C4orf50: variants seen among roughly 807,000 people sequenced by gnomAD.
The protein encoded by C4orf50 is chromosome 4 open reading frame 50.
A neutral mutation model predicts 77.2 loss-of-function variants in C4orf50; 80 were observed. That is an observed-to-expected ratio of 1.04 (90% CI 0.87 to 1.25). C4orf50 has a LOEUF of 1.25. Among genes scored for constraint, C4orf50 ranks in the 50% most tolerant of loss-of-function variants. The pLI is 0.00. For synonymous variants in C4orf50, 532 were observed against 465.3 expected, an observed-to-expected ratio of 1.14 and a Z score of -1.84; for missense variants, 1,257 against 1,152.9, an observed-to-expected ratio of 1.09 and a Z score of -1.31.
At chr4:5,988,987 T>A in exon 28 of C4orf50, 1 of 1,536,086 alleles carries the variant, frequency 6.5e-7, no homozygotes, top group Admixed American at 2.0e-5. Flanking sequence ...TGTTTCATTT[T>A]CCTCTTCAAG....
At position 5,983,945 on chromosome 4, in the gene C4orf50, C is replaced by G. The variant is rs79552948; in HGVS notation, c.3700-3607G>C. Among the ~76,000 whole-genome samples the G allele has an allele frequency of 3.7e-3, 560 of 152,362 alleles. 2 individuals are homozygous for G. Among genetic ancestry groups the G allele is most frequent in the African/African-American group, 0.013 (536 of 41,586 alleles). Reference sequence around the variant, plus strand: ...AGAAGACTCTAAGCCTTGCAAAGAACAGCAGCTTGGAGGTTAATTGGTGAA... The same window carrying G: ...AGAAGACTCTAAGCCTTGCAAAGAAGAGCAGCTTGGAGGTTAATTGGTGAA... On this transcript the variant is annotated intron_variant, in intron 28 of 33. Transcript: ENST00000531445.
chr4:5,907,793 C>T (rs975366492), intron 7 of C4orf50, among the ~76,000 whole-genome samples: 1 of 151,986 alleles, frequency 6.6e-6, no homozygotes, highest in Admixed American at 6.5e-5. Context: ...GGGTCTTGGG[C>T]ATAAAAGAGA....
chr4:5,899,723 A>T (rs1019381571), intron 7 of C4orf50: 1 of 152,218 alleles, frequency 6.6e-6, no homozygotes, highest in African/African-American at 2.4e-5. Context: ...CTGTATTCCC[A>T]TGGTTCTCCC....
intron 23 of C4orf50, among the ~76,000 whole-genome samples, chr4:6,016,480 T>C (rs996123796): frequency 2.6e-5 from 4 of 152,000 alleles, no homozygotes; most frequent in Admixed American, 2.6e-4. Flanking sequence ...ACCCAGGAGG[T>C]GGGGTTTGCA....
rs1374908531 is a variant in C4orf50, at chr4:6,015,126, G to C, written c.287+3019C>G. ...AGGGCCCTGCCTTCCCCAACTCTCA[G>C]CACCCAGGACTTCTGTTATGGGCTC... On this transcript the variant is annotated intron_variant, in intron 23 of 33. Coordinates refer to ENST00000531445, the Ensembl canonical transcript of C4orf50. The surrounding 1 kb of genome is among the most constrained non-coding windows in gnomAD (Gnocchi z 4.4). Among the ~76,000 whole-genome samples the C allele has an allele frequency of 6.6e-6, 1 of 152,124 alleles. No homozygotes were observed. Among genetic ancestry groups the C allele is most frequent in the Non-Finnish European group, 1.5e-5 (1 of 68,012 alleles).
chr4:5,966,902 C>A (rs1180738559), intron 32 of C4orf50, among the ~76,000 whole-genome samples: 1 of 152,156 alleles, frequency 6.6e-6, no homozygotes, highest in Non-Finnish European at 1.5e-5. Flanking sequence ...CCTGCCTCGG[C>A]CCCCCAAAGT....
intron 23 of C4orf50, 74 bp from the exon 2 acceptor site, chr4:6,012,042 G>A (rs953996358): frequency 7.5e-6 from 3 of 398,678 alleles, no homozygotes; most frequent in Admixed American, 4.4e-5. Flanking sequence ...CAGACACCAG[G>A]GCCAAATTAT....
intron 7 of C4orf50, among the ~76,000 whole-genome samples, chr4:5,933,998 T>C (rs1717887414): frequency 1.3e-5 from 2 of 152,100 alleles, no homozygotes; most frequent in South Asian, 4.1e-4. Flanking sequence ...AGGGTGTCTG[T>C]GAGCGAGAAT....
At chr4:5,967,720 T>A (rs2108769665) in intron 31 of C4orf50, among the ~76,000 whole-genome samples, 1 of 152,282 alleles carries the variant, frequency 6.6e-6, no homozygotes, top group East Asian at 1.9e-4. Flanking sequence ...TCAAATTAAA[T>A]CTCCAAATGG....
intron 33 of C4orf50, among the ~76,000 whole-genome samples, chr4:5,963,000 CTTTTTTTTTT>C (rs370272649): frequency 6.2e-5 from 9 of 146,116 alleles, no homozygotes; most frequent in Admixed American, 1.4e-4. Context: ...TTTTTCTTTT[CTTTTTTTTTT>C]TTTTTTTTTG....
rs746812408 is a variant in C4orf50 at position 5,988,313 on chromosome 4, G to A, written c.3699+34C>T. The A allele has an allele frequency of 2.9e-5, 46 of 1,600,986 alleles. No individual in the cohort carries two copies. In the African/African-American group the frequency reaches 3.4e-4, roughly 12 times the overall value. On this transcript the variant is annotated intron_variant, in intron 28 of 33. Coordinates refer to ENST00000531445, the Ensembl canonical transcript of C4orf50. ...GGTGGCCCCCGGAACAGAGTCATGC[G>A]TGATGAGTAAGCAGATATGCAGACC...
At chr4:5,995,579 C>A (rs1201980814) in intron 25 of C4orf50, among the ~76,000 whole-genome samples, 3 of 152,032 alleles carry the variant, frequency 2.0e-5, no homozygotes, top group Non-Finnish European at 4.4e-5. Context: ...TTCCCACAGC[C>A]CTGGCTGCTT....
chr4:5,981,699 C>T (rs934111148), intron 28 of C4orf50, among the ~76,000 whole-genome samples: 12 of 152,214 alleles, frequency 7.9e-5, no homozygotes, highest in African/African-American at 2.4e-4. Context: ...CCACCATGCT[C>T]GGCCCGACAT....
chr4:5,927,641 C>G (rs111257442), intron 7 of C4orf50, among the ~76,000 whole-genome samples: 1 of 149,740 alleles, frequency 6.7e-6, no homozygotes, highest in African/African-American at 2.5e-5. Context: ...CTCTCTCTCT[C>G]TGTCTCTCTT....
intron 7 of C4orf50, among the ~76,000 whole-genome samples, chr4:5,907,709 T>C (rs1285915363): frequency 6.6e-6 from 1 of 152,124 alleles, no homozygotes; most frequent in Non-Finnish European, 1.5e-5. Context: ...AGTAAAGGTC[T>C]TTCTGAGAAG....
intron 7 of C4orf50, among the ~76,000 whole-genome samples, chr4:5,913,091 T>C (rs532986419): frequency 6.6e-6 from 1 of 152,174 alleles, no homozygotes; most frequent in African/African-American, 2.4e-5. Context: ...CTATAGAAAA[T>C]AAAATTTTAT....
chr4:5,980,723 T>A (rs1720539749), intron 28 of C4orf50, among the ~76,000 whole-genome samples: 1 of 152,172 alleles, frequency 6.6e-6, no homozygotes, highest in African/African-American at 2.4e-5. Flanking sequence ...GAATCTGCTG[T>A]AATAGATGCC....
At chr4:5,993,957 C>T (rs963537515) in intron 26 of C4orf50, among the ~76,000 whole-genome samples, 4 of 152,170 alleles carry the variant, frequency 2.6e-5, no homozygotes, top group African/African-American at 9.7e-5. Context: ...TTTTCACTGC[C>T]TCACACTGGA....
At chr4:5,975,929 A>C (rs756336033) in exon 30 of C4orf50, 4 of 1,613,642 alleles carry the variant, frequency 2.5e-6, no homozygotes, top group Admixed American at 1.7e-5. Context: ...ACTTTGCTTC[A>C]TGTTGCTTTT....
Sources: allele counts gnomAD v4.1 joint callset (sites outside exome capture counted in the v4.1 genomes callset), GRCh38; gene constraint gnomAD v4.1.1; non-coding constraint Gnocchi (gnomAD v3.1); transcripts MANE v1.5; gene names NCBI Gene and HGNC (gene_info 2026-07-23, HGNC 2026-07-21).